Variants in ACBD5 observed in about 807,000 individuals in gnomAD.
ACBD5 encodes acyl-CoA binding domain containing 5.
ACBD5 carries 40 observed loss-of-function variants against 71.8 expected under a neutral mutation model. The ratio of observed to expected loss-of-function variants is 0.56; its 90% CI spans 0.43 to 0.72. The LOEUF is 0.72. ACBD5 is among the 30% of genes least tolerant of loss of function. The pLI, the probability that ACBD5 is intolerant of heterozygous loss-of-function variation, is 0.00. For synonymous variants in ACBD5, 229 were observed against 218.6 expected (o/e 1.05, Z -0.42); for missense variants, 559 against 644.5 (o/e 0.87, Z 1.44).
At chr10:27,211,885 T>TACA (rs2061116493) in intron 8 of ACBD5, among the ~76,000 whole-genome samples, 1 of 151,806 alleles carries the variant, frequency 6.6e-6, no homozygotes, top group Non-Finnish European at 1.5e-5. Flanking sequence ...AAGGTTTCCT[T>TACA]CAGGAAGGGA....
rs955235271 is a variant in ACBD5 at position 27,209,628 on chromosome 10, A to G, written c.1205-1183T>C. Among the ~76,000 whole-genome samples, 3 of 152,052 alleles carry G rather than the reference A, an allele frequency of 2.0e-5. No individual in the cohort carries two copies. In the South Asian group the frequency reaches 6.2e-4, roughly 31 times the overall value. On this transcript the variant is annotated intron_variant, in intron 9 of 12. Coordinates refer to ENST00000396271, the MANE Select transcript of ACBD5 (RefSeq NM_145698.5). ...GTGAGCCACCACGCCCAGCCATCCA[A>G]AAGATTTTAAATGTGTTCTTCTTAT...
In ACBD5 at chr10:27,197,072, C is replaced by T. The variant is rs1230420467; in HGVS notation, c.*358G>A. 3 of 459,616 alleles carry T rather than the reference C, an allele frequency of 6.5e-6. No homozygotes were observed. The East Asian group carries it at 1.9e-4, about 29-fold the overall frequency. 28.5% of individuals were successfully genotyped at this position (459,616 alleles called of 1,614,324 possible). A position where few individuals can be genotyped will look rare whatever the true frequency, so the allele number is the denominator to read the frequency against. The stretch of plus-strand genomic sequence containing the variant: ...ACTTATAAATTTGATCTCATTATCA[C>T]AATGGTACCTTTGAAAAGCAGCTTA... On this transcript the variant is annotated 3_prime_UTR_variant, in exon 13 of 13. Coordinates refer to ENST00000396271, the MANE Select transcript of ACBD5 (RefSeq NM_145698.5).
At chr10:27,212,927 A>G (rs2061258427) in intron 8 of ACBD5, among the ~76,000 whole-genome samples, 1 of 152,184 alleles carries the variant, frequency 6.6e-6, no homozygotes, top group Non-Finnish European at 1.5e-5. Context: ...AAAGGGGTAG[A>G]TTTAATTGCA....
At chr10:27,228,815 A>ATAT (rs1554856598) in intron 4 of ACBD5, among the ~76,000 whole-genome samples, 6 of 20,372 alleles carry the variant, frequency 2.9e-4, no homozygotes, top group African/African-American at 4.7e-4. Flanking sequence ...ATATATATAT[A>ATAT]TTTTTTTTTT....
chr10:27,223,165 T>C, intron 5 of ACBD5, 173 bp downstream of exon 5: 1 of 720,742 alleles, frequency 1.4e-6, no homozygotes, highest in South Asian at 1.5e-5. Flanking sequence ...TTTTGACATG[T>C]AAATTTTAAA....
At chr10:27,229,579 A>G (rs1044686147) in intron 4 of ACBD5, among the ~76,000 whole-genome samples, 3 of 152,200 alleles carry the variant, frequency 2.0e-5, no homozygotes, top group Admixed American at 1.3e-4. Context: ...ACTATATTTA[A>G]GGAGGTAATT....
At chr10:27,233,710 C>A (rs1487460954) in intron 3 of ACBD5, among the ~76,000 whole-genome samples, 9 of 151,890 alleles carry the variant, frequency 5.9e-5, no homozygotes, top group Non-Finnish European at 1.2e-4. Flanking sequence ...GGGAGTGAGA[C>A]CCTGTGTCCA....
Position 27,208,378 on chromosome 10 carries a change from C to T in ACBD5, c.1272G>A (p.Glu424=). Residue 424 remains glutamate (E), a synonymous_variant, in exon 10 of 13, where the codon GAG becomes GAA. Coordinates refer to ENST00000396271, the MANE Select transcript of ACBD5 (RefSeq NM_145698.5). ...GGGACCCTCTGTCGGAGCCCCAGCGCTCCCCATCACCTCCACTTCCCACCT... is the reference window on the plus strand; with the variant it reads ...GGGACCCTCTGTCGGAGCCCCAGCGTTCCCCATCACCTCCACTTCCCACCT... ...GRQVGSGGDG[E]RWGSDRGSRG... is the part of the protein sequence containing the mutation. 6.2e-7 allele frequency: 1 copy of T among 1,614,146 alleles called. No homozygotes were observed. Among genetic ancestry groups the T allele is most frequent in the African/African-American group, 1.3e-5 (1 of 75,058 alleles).
downstream of ACBD5, among the ~76,000 whole-genome samples, chr10:27,194,595 G>C (rs557575054): frequency 1.3e-3 from 186 of 141,414 alleles, no homozygotes; most frequent in Admixed American, 4.5e-3. Context: ...CTGGGCGGCA[G>C]AGCAAGACTC....
At chr10:27,209,466 G>A (rs1267215271) in intron 9 of ACBD5, among the ~76,000 whole-genome samples, 2 of 152,044 alleles carry the variant, frequency 1.3e-5, no homozygotes, top group African/African-American at 4.8e-5. Context: ...GGGATTACAG[G>A]CGCATGCCAC....
chr10:27,201,146 G>A (rs1340740950), intron 12 of ACBD5, among the ~76,000 whole-genome samples: 2 of 152,214 alleles, frequency 1.3e-5, no homozygotes, highest in Non-Finnish European at 1.5e-5. Context: ...CCAGGCAAGA[G>A]AGTGAGACCT....
rs12246088 is a variant in ACBD5, at chr10:27,208,613, G to A, written c.1205-168C>T. ...AGCACTTTGGGAGGCTGAGACGGGC[G>A]GATCACCTGAGGTCAGGAGTTCAAG... On this transcript the variant is annotated intron_variant, in intron 9 of 12. Transcript: ENST00000396271. Among the ~76,000 whole-genome samples the A allele has an allele frequency of 0.07, 10,625 of 152,150 alleles. 698 individuals are homozygous for A. Among genetic ancestry groups the A allele is most frequent in the African/African-American group, 0.17 (7,105 of 41,500 alleles).
Position 27,235,223 on chromosome 10 carries a change from C to T in ACBD5, c.182-11G>A. 1.2e-6 allele frequency: 2 copies of T among 1,613,722 alleles called. No homozygotes were observed. The highest frequency in any genetic ancestry group is 1.7e-6 in the Non-Finnish European group (2 of 1,179,826). On this transcript the variant is annotated splice_polypyrimidine_tract_variant and intron_variant, in intron 2 of 12. Coordinates refer to ENST00000396271, the MANE Select transcript of ACBD5 (RefSeq NM_145698.5). The stretch of plus-strand genomic sequence containing the variant: ...TTGGCTGGAATGAACCTGTTGGAAA[C>T]ACACATTAAATACAAATCACCTGGG...
upstream of ACBD5, chr10:27,240,930 G>T (rs2065427964): frequency 1.6e-6 from 1 of 612,810 alleles, no homozygotes; most frequent in Middle Eastern, 4.4e-4. This position sits in a 1 kb window ranked among gnomAD's most constrained non-coding sequence, Gnocchi z 4.1. Flanking sequence ...CGCGCGGTCC[G>T]TCTGTCCCCA....
downstream of ACBD5, among the ~76,000 whole-genome samples, chr10:27,191,299 G>A (rs1203611799): frequency 1.3e-5 from 2 of 152,168 alleles, no homozygotes; most frequent in African/African-American, 4.8e-5. Context: ...CAGAAGTTAG[G>A]AGGGAAGGAT....
intron 5 of ACBD5, among the ~76,000 whole-genome samples, chr10:27,221,602 C>T (rs2137546946): frequency 6.6e-6 from 1 of 152,238 alleles, no homozygotes; most frequent in East Asian, 1.9e-4. Flanking sequence ...ACATGCCTGA[C>T]ATACATAAAA....
intron 4 of ACBD5, among the ~76,000 whole-genome samples, chr10:27,228,202 A>G (rs1301168921): frequency 6.6e-6 from 1 of 151,708 alleles, no homozygotes; most frequent in Non-Finnish European, 1.5e-5. Context: ...AATTCAACAG[A>G]CATAAGGCAC....
chr10:27,239,753 G>A (rs1374839323), intron 2 of ACBD5, among the ~76,000 whole-genome samples: 1 of 151,978 alleles, frequency 6.6e-6, no homozygotes, highest in Non-Finnish European at 1.5e-5. Context: ...TTGTTTGTTT[G>A]TTTGTTTGTT....
Position 27,196,841 on chromosome 10 carries a change from T to A in ACBD5, c.*589A>T. 1 of 454,116 alleles carries A rather than the reference T, an allele frequency of 2.2e-6. No individual in the cohort carries two copies. The highest frequency in any genetic ancestry group is 2.0e-5 in the African/African-American group (1 of 50,140). 28.1% of individuals were successfully genotyped at this position (454,116 alleles called of 1,614,324 possible). On this transcript the variant is annotated 3_prime_UTR_variant, in exon 13 of 13. Transcript: ENST00000396271. ...ATAGGACTCCACTTTTTAATAATGATGCCTGAACACCAAACTCAAGAGTTG... is the reference window on the plus strand; with the variant it reads ...ATAGGACTCCACTTTTTAATAATGAAGCCTGAACACCAAACTCAAGAGTTG...
Sources: gnomAD v4.1 joint callset for allele counts (sites outside exome capture counted in the v4.1 genomes callset) on GRCh38, gnomAD v4.1.1 for gene constraint, Gnocchi (gnomAD v3.1) non-coding constraint, MANE v1.5 for transcripts, NCBI Gene and HGNC (gene_info 2026-07-23, HGNC 2026-07-21) for gene names.